The following KCNN1 variants were observed in gnomAD, a reference collection of about 807,000 sequenced individuals.
KCNN1 encodes potassium calcium-activated channel subfamily N member 1, also known as small conductance calcium-activated potassium channel protein 1.
Under a neutral mutation model 44.7 loss-of-function variants are expected in KCNN1, and 20 were observed. That is an observed-to-expected ratio of 0.45 (90% CI 0.32 to 0.65). The LOEUF is 0.65. Among genes scored for constraint, KCNN1 ranks in the 30% least tolerant of loss-of-function variants. KCNN1 has a pLI of 0.05. For missense variants in KCNN1, 632 were observed against 785.3 expected, an observed-to-expected ratio of 0.80 and a Z score of 2.33; for synonymous variants, 324 against 341.7, an observed-to-expected ratio of 0.95 and a Z score of 0.57.
At chr19:17,962,964 G>C (rs1342884514), upstream of KCNN1, among the ~76,000 whole-genome samples, 1 of 145,910 alleles carries the variant, frequency 6.9e-6, no homozygotes, top group African/African-American at 2.5e-5. Context: ...GCCTCCCAAA[G>C]TGCTGGGATT....
intron 2 of KCNN1, among the ~76,000 whole-genome samples, chr19:17,956,398 A>C (rs750414755): frequency 1.5e-4 from 23 of 152,184 alleles, no homozygotes; most frequent in Admixed American, 1.3e-4. Context: ...AATAAGGACA[A>C]AGGCCAGCCC....
chr19:17,966,982 C>A (rs2031830147), upstream of KCNN1: 1 of 281,516 alleles, frequency 3.6e-6, no homozygotes, highest in South Asian at 1.4e-4. Context: ...CAGGGGGCGC[C>A]GGGGAATGTG....
intron 3 of KCNN1, 107 bp from the exon 4 acceptor site, chr19:17,981,601 TG>T: frequency 1.3e-6 from 1 of 798,176 alleles, no homozygotes; most frequent in Non-Finnish European, 1.9e-6. Context: ...TCCGAGCCTG[TG>T]GGGTTTCAGG....
At position 17,993,688 on chromosome 19, in the gene KCNN1, C is replaced by T. The variant is rs1308179755; in HGVS notation, c.1377+129C>T. 2.8e-6 allele frequency: 2 copies of T among 723,194 alleles called. No individual in the cohort carries two copies. Among genetic ancestry groups the T allele is most frequent in the Non-Finnish European group, 5.0e-6 (2 of 403,606 alleles). The allele number at this position is 723,194 out of a possible 1,614,324, so 44.8% of individuals were successfully genotyped here. A position where few individuals can be genotyped will look rare whatever the true frequency, so the allele number is the denominator to read the frequency against. On this transcript the variant is annotated intron_variant, in intron 9 of 9. Coordinates refer to ENST00000684775, the MANE Select transcript of KCNN1 (RefSeq NM_001386974.1). The surrounding 1 kb of genome is among the most constrained non-coding windows in gnomAD (Gnocchi z 4.5). ...GGGCTGAGTGCAGTGGCGGGCGGAT[C>T]GCTTGAGCTCAGGAGTTTGAGACCA...
At chr19:17,988,075 A>T (rs528006306) in intron 5 of KCNN1, among the ~76,000 whole-genome samples, 118 of 148,978 alleles carry the variant, frequency 7.9e-4, no homozygotes, top group African/African-American at 2.9e-3. Flanking sequence ...GAATCGCTTG[A>T]ACCTGGGAAG....
intron 3 of KCNN1, among the ~76,000 whole-genome samples, chr19:17,976,302 C>T (rs139603372): frequency 6.6e-5 from 10 of 151,804 alleles, no homozygotes; most frequent in African/African-American, 1.9e-4. Flanking sequence ...AGCAAGACTC[C>T]GTCTCAAAAA....
chr19:17,964,892 G>A (rs1039636404), upstream of KCNN1, among the ~76,000 whole-genome samples: 3 of 152,284 alleles, frequency 2.0e-5, no homozygotes, highest in East Asian at 1.9e-4. The surrounding 1 kb of genome is among the most constrained non-coding windows in gnomAD (Gnocchi z 4.3). Context: ...GCTTCAGGGC[G>A]TGGGCAGGGG....
chr19:17,980,931 T>C (rs1172090800), intron 3 of KCNN1, among the ~76,000 whole-genome samples: 1 of 150,850 alleles, frequency 6.6e-6, no homozygotes, highest in Non-Finnish European at 1.5e-5. Context: ...AAAAGAAAAA[T>C]CCTCGCCAGG....
Position 17,973,888 on chromosome 19 carries a change from C to T in KCNN1, c.-1C>T, listed in dbSNP as rs1333822347. Reference sequence around the variant, plus strand: ...AGCCCAACCCCTGCACCCAGGTAGTCATGAACAGCCACAGCTACAATGGCA... The same window carrying T: ...AGCCCAACCCCTGCACCCAGGTAGTTATGAACAGCCACAGCTACAATGGCA... On this transcript the variant is annotated 5_prime_UTR_variant, in exon 2 of 10. Coordinates refer to ENST00000684775, the MANE Select transcript of KCNN1 (RefSeq NM_001386974.1). 1.9e-6 allele frequency: 3 copies of T among 1,551,414 alleles called. No homozygotes were observed. Among genetic ancestry groups the T allele is most frequent in the East Asian group, 4.9e-5 (2 of 41,084 alleles).
At chr19:17,984,110 C>A (rs1372223838) in intron 4 of KCNN1, among the ~76,000 whole-genome samples, 1 of 151,624 alleles carries the variant, frequency 6.6e-6, no homozygotes, top group Non-Finnish European at 1.5e-5. Context: ...TTGCAGTGAG[C>A]CAAGATCATG....
chr19:17,960,372 G>A (rs1052734998), intron 2 of KCNN1, among the ~76,000 whole-genome samples: 3 of 151,892 alleles, frequency 2.0e-5, no homozygotes, highest in Admixed American at 6.6e-5. Flanking sequence ...GCTCACGGCT[G>A]TAATCCTAGC....
At chr19:17,979,889 T>C (rs1333845564) in intron 3 of KCNN1, among the ~76,000 whole-genome samples, 4 of 151,958 alleles carry the variant, frequency 2.6e-5, no homozygotes, top group Non-Finnish European at 5.9e-5. Flanking sequence ...TTAAGAGTTA[T>C]ACACACGTTC....
At chr19:17,967,416 G>A in intron 1 of KCNN1, 99 bp downstream of exon 1, 7 of 617,054 alleles carry the variant, frequency 1.1e-5, no homozygotes, top group Non-Finnish European at 1.4e-5. Context: ...GCGGTTTGGG[G>A]CAGGGGCCAA....
intron 2 of KCNN1, 49 bp from the exon 3 acceptor site, chr19:17,975,043 G>A (rs755957774): frequency 1.2e-5 from 18 of 1,506,048 alleles, no homozygotes; most frequent in Admixed American, 1.7e-5. Context: ...GAGGGCCGCC[G>A]GCCCACCGCC....
chr19:17,993,430 C>G lies in KCNN1; in HGVS notation c.1308-60C>G. On this transcript the variant is annotated intron_variant, in intron 8 of 9. Transcript: ENST00000684775. This position sits in a 1 kb window ranked among gnomAD's most constrained non-coding sequence, Gnocchi z 4.5. ...GGGTGGGTGCATGAAAGTCCCTGCC[C>G]CCACTGCAGCCTCCACGGGAACCTG... The G allele has an allele frequency of 9.3e-6, 12 of 1,295,248 alleles. No homozygotes were observed. The highest frequency in any genetic ancestry group is 1.2e-5 in the Non-Finnish European group (11 of 903,348). The allele number at this position is 1,295,248 out of a possible 1,614,324, so 80.2% of individuals were successfully genotyped here.
At position 18,000,075 on chromosome 19, in the gene KCNN1, A is replaced by G; in HGVS notation, c.*1669A>G. The stretch of plus-strand genomic sequence containing the variant: ...ATAAATGCTCCTTCCCGCCTGAGGG[A>G]TCACACTGGAGTCTTTGGCAGGACT... On this transcript the variant is annotated 3_prime_UTR_variant, in exon 10 of 10. Transcript: ENST00000684775. The G allele has an allele frequency of 2.2e-6, 1 of 454,734 alleles. No homozygotes were observed. Among genetic ancestry groups the G allele is most frequent in the South Asian group, 1.6e-5 (1 of 64,432 alleles). The allele number at this position is 454,734 out of a possible 1,614,324, so 28.2% of individuals were successfully genotyped here.
chr19:17,973,519 G>T (rs573285083), intron 1 of KCNN1, among the ~76,000 whole-genome samples: 4 of 152,168 alleles, frequency 2.6e-5, no homozygotes, highest in Non-Finnish European at 5.9e-5. Flanking sequence ...GAACTCAAGC[G>T]GTCCTTCTGC....
intron 9 of KCNN1, among the ~76,000 whole-genome samples, chr19:17,996,944 C>T (rs1280906694): frequency 6.6e-6 from 1 of 152,234 alleles, no homozygotes; most frequent in Non-Finnish European, 1.5e-5. Flanking sequence ...CATCCTCCCA[C>T]GGAGGCCGCC....
chr19:17,980,956 C>T (rs1434011006), intron 3 of KCNN1, among the ~76,000 whole-genome samples: 1 of 152,060 alleles, frequency 6.6e-6, no homozygotes, highest in Non-Finnish European at 1.5e-5. Flanking sequence ...GTGGCTCACA[C>T]GTGTAATCCC....
Sources: gnomAD v4.1 joint callset for allele counts (sites outside exome capture counted in the v4.1 genomes callset) on GRCh38, gnomAD v4.1.1 for gene constraint, Gnocchi (gnomAD v3.1) non-coding constraint, MANE v1.5 for transcripts, NCBI Gene and HGNC (gene_info 2026-07-23, HGNC 2026-07-21) for gene names.